DCC: variants seen among roughly 807,000 people sequenced by gnomAD.
The protein encoded by DCC is DCC netrin 1 receptor, also known as netrin receptor DCC.
In DCC, 58 loss-of-function variants were observed where a neutral mutation model predicts 172.5. That is an observed-to-expected ratio of 0.34 (90% CI 0.27 to 0.42). The LOEUF (loss-of-function observed/expected upper bound fraction) is 0.42, where lower values mean the gene tolerates loss of function less well. Among genes scored for constraint, DCC ranks in the 10% least tolerant of loss-of-function variants. The pLI, the probability that DCC is intolerant of heterozygous loss-of-function variation, is 1.00. For synonymous variants in DCC, 709 were observed against 644.5 expected (o/e 1.10, Z -1.52); for missense variants, 1,740 against 1,791.0 (o/e 0.97, Z 0.51).
At chr18:53,009,617 C>A (rs2041697960) in intron 5 of DCC, among the ~76,000 whole-genome samples, 1 of 151,848 alleles carries the variant, frequency 6.6e-6, no homozygotes, top group Non-Finnish European at 1.5e-5. Context: ...GTTTCTCTAT[C>A]TGTATAGGTC....
intron 7 of DCC, among the ~76,000 whole-genome samples, chr18:53,089,715 G>C (rs373699648): frequency 6.6e-5 from 10 of 152,162 alleles, no homozygotes; most frequent in Non-Finnish European, 1.3e-4. Flanking sequence ...GCCATATCGT[G>C]GTTATACTTT....
intron 1 of DCC, among the ~76,000 whole-genome samples, chr18:52,491,359 T>C (rs1450206779): frequency 6.6e-6 from 1 of 152,002 alleles, no homozygotes; most frequent in Non-Finnish European, 1.5e-5. Flanking sequence ...AACTGTGGTA[T>C]GATACATAAA....
chr18:53,371,446 A>T (rs1031066929), intron 15 of DCC, among the ~76,000 whole-genome samples: 5 of 152,012 alleles, frequency 3.3e-5, no homozygotes, highest in African/African-American at 4.8e-5. Flanking sequence ...GTAATCTGCA[A>T]AGTGTCAGAG....
chr18:52,397,322 T>C (rs973516574), intron 1 of DCC, among the ~76,000 whole-genome samples: 14 of 152,064 alleles, frequency 9.2e-5, no homozygotes, highest in African/African-American at 3.4e-4. Flanking sequence ...CACTCGCTTA[T>C]AGCATCTATC....
At chr18:52,793,149 ATGT>A (rs750459244) in intron 2 of DCC, among the ~76,000 whole-genome samples, 1 of 152,134 alleles carries the variant, frequency 6.6e-6, no homozygotes, top group African/African-American at 2.4e-5. Flanking sequence ...ATCACATATG[ATGT>A]TTACATAGCC....
At chr18:53,368,144 A>T (rs1419516148) in intron 15 of DCC, among the ~76,000 whole-genome samples, 1 of 152,086 alleles carries the variant, frequency 6.6e-6, no homozygotes, top group Non-Finnish European at 1.5e-5. Context: ...GATAAGTATG[A>T]GGTGGTAGCT....
chr18:52,974,876 T>C (rs2145593037), intron 5 of DCC, among the ~76,000 whole-genome samples: 1 of 152,352 alleles, frequency 6.6e-6, no homozygotes, highest in East Asian at 1.9e-4. Flanking sequence ...TTAAATTATA[T>C]TGTGCTGTGA....
chr18:52,771,289 T>G (rs973583082), intron 2 of DCC, among the ~76,000 whole-genome samples: 4 of 152,222 alleles, frequency 2.6e-5, no homozygotes, highest in African/African-American at 9.7e-5. Context: ...AATGAATATT[T>G]AAATAAATGA....
chr18:53,206,255 A>G (rs2055630848), intron 10 of DCC, among the ~76,000 whole-genome samples: 1 of 135,738 alleles, frequency 7.4e-6, no homozygotes, highest in Non-Finnish European at 1.5e-5. Context: ...ATACATATAT[A>G]CCACATATAT....
chr18:52,355,905 A>G (rs1984341707), intron 1 of DCC, among the ~76,000 whole-genome samples: 1 of 152,164 alleles, frequency 6.6e-6, no homozygotes, highest in Admixed American at 6.5e-5. Context: ...TTACCCACAT[A>G]GGACCTGACC....
intron 3 of DCC, among the ~76,000 whole-genome samples, chr18:52,908,742 T>A (rs1211276306): frequency 6.6e-6 from 1 of 152,210 alleles, no homozygotes; most frequent in Non-Finnish European, 1.5e-5. Flanking sequence ...TTGCCTAAAA[T>A]AGAGAACATG....
chr18:52,931,203 C>G (rs1598943167), intron 5 of DCC, among the ~76,000 whole-genome samples: 2 of 152,104 alleles, frequency 1.3e-5, no homozygotes, highest in African/African-American at 4.8e-5. Flanking sequence ...TTTGACTACT[C>G]TGATATAAAG....
At position 52,752,034 on chromosome 18, in the gene DCC, C is replaced by T. The variant is rs567317003; in HGVS notation, c.92-20C>T. The T allele has an allele frequency of 1.9e-6, 3 of 1,603,080 alleles. No homozygotes were observed. In the Admixed American group the frequency reaches 5.0e-5, roughly 27 times the overall value. ...TTATTTGAATACATGAACATATTTC[C>T]CTGTGCTCTCTTGTTCCAGGTTTTC... On this transcript the variant is annotated intron_variant, in intron 1 of 28. Coordinates refer to ENST00000442544, the MANE Select transcript of DCC (RefSeq NM_005215.4).
At chr18:52,655,166 C>T (rs1316898922) in intron 1 of DCC, among the ~76,000 whole-genome samples, 1 of 152,008 alleles carries the variant, frequency 6.6e-6, no homozygotes, top group African/African-American at 2.4e-5. Context: ...AACATAGACC[C>T]AGCACAGTAA....
intron 1 of DCC, among the ~76,000 whole-genome samples, chr18:52,547,752 A>T (rs2032657678): frequency 6.6e-6 from 1 of 152,154 alleles, no homozygotes; most frequent in Non-Finnish European, 1.5e-5. Context: ...GAGCAAAGGA[A>T]CAAAGGCAGG....
At chr18:53,510,441 T>C (rs2046236720) in intron 27 of DCC, among the ~76,000 whole-genome samples, 1 of 152,234 alleles carries the variant, frequency 6.6e-6, no homozygotes, top group Non-Finnish European at 1.5e-5. Flanking sequence ...TCAATTGTAT[T>C]CTATAATTTC....
intron 2 of DCC, among the ~76,000 whole-genome samples, chr18:52,870,621 T>C (rs2039304248): frequency 6.6e-6 from 1 of 152,090 alleles, no homozygotes; most frequent in Non-Finnish European, 1.5e-5. Context: ...TTTTGAGATA[T>C]CTTTTCACAT....
At chr18:52,912,055 T>C (rs2039978102) in intron 3 of DCC, among the ~76,000 whole-genome samples, 1 of 152,050 alleles carries the variant, frequency 6.6e-6, no homozygotes, top group Non-Finnish European at 1.5e-5. Context: ...CATTGACCAG[T>C]TAATAAATAT....
chr18:52,887,025 C>T (rs1035024844), intron 2 of DCC, among the ~76,000 whole-genome samples: 2 of 152,056 alleles, frequency 1.3e-5, no homozygotes, highest in Admixed American at 1.3e-4. Flanking sequence ...CTCCTAGGCT[C>T]TTCTAGGGTA....
Sources: gnomAD v4.1 joint callset for allele counts (sites outside exome capture counted in the v4.1 genomes callset) on GRCh38, gnomAD v4.1.1 for gene constraint, MANE v1.5 for transcripts, NCBI Gene and HGNC (gene_info 2026-07-23, HGNC 2026-07-21) for gene names.